Variants in ADGRL4 observed in about 807,000 individuals in gnomAD.
ADGRL4 encodes EGF, latrophilin and seven transmembrane domain containing 1.
A neutral mutation model predicts 74.8 loss-of-function variants in ADGRL4; 90 were observed. The observed-to-expected ratio is 1.20, with a 90% CI of 1.02 to 1.43. The LOEUF is 1.43. Among genes scored for constraint, ADGRL4 ranks in the 40% most tolerant of loss-of-function variants. The probability of loss-of-function intolerance (pLI) is 0.00; values close to 1 mark genes in which losing one functional copy is unlikely to be tolerated. For missense variants in ADGRL4, 881 were observed against 814.3 expected (o/e 1.08, Z -1.00); for synonymous variants, 311 against 279.2 (o/e 1.11, Z -1.14).
At chr1:78,910,832 G>A (rs551990064) in intron 12 of ADGRL4, among the ~76,000 whole-genome samples, 48 of 151,870 alleles carry the variant, frequency 3.2e-4, no homozygotes, top group African/African-American at 1.2e-3. Context: ...TTTAAATGTA[G>A]TGATTCATAG....
In ADGRL4 at chr1:78,893,176, G is replaced by C; in HGVS notation, c.1763C>G (p.Ala588Gly). 6.3e-7 allele frequency: 1 copy of C among 1,597,270 alleles called. No homozygotes were observed. The highest frequency in any genetic ancestry group is 1.7e-5 in the Admixed American group (1 of 57,634). ...ACLIILVNLL[A>G]FGVIIYKVFR... ...AACTTTGTATATGATGACTCCAAAA[G>C]CCAAGAGATTAACCTGGAAAAAGAA... The change falls in exon 13 of 15, where the codon GCT becomes GGT. Residue 588 changes from alanine (A) to glycine (G), a missense_variant. Ala to Gly is a moderately conservative substitution (Grantham distance 60). Coordinates refer to ENST00000370742, the MANE Select transcript of ADGRL4 (RefSeq NM_022159.4).
At chr1:78,916,865 G>T (rs1309745818) in intron 12 of ADGRL4, among the ~76,000 whole-genome samples, 1 of 151,804 alleles carries the variant, frequency 6.6e-6, no homozygotes, top group African/African-American at 2.4e-5. Context: ...TTCACTGACA[G>T]ACTATTATAT....
At position 78,945,710 on chromosome 1, in the gene ADGRL4, A is replaced by G. The variant is rs572752137; in HGVS notation, c.325+564T>C. On this transcript the variant is annotated intron_variant, in intron 3 of 14. Coordinates refer to ENST00000370742, the MANE Select transcript of ADGRL4 (RefSeq NM_022159.4). ...AAATTACATTGAAATTATTTTCCCT[A>G]CAAAGGACATTTTAGTGACCCTACA... is the stretch of plus-strand genomic sequence containing the variant. Among the ~76,000 whole-genome samples, 26 of 152,238 alleles carry G rather than the reference A, an allele frequency of 1.7e-4. No individual in the cohort carries two copies. The South Asian group carries it at 5.2e-3, about 30-fold the overall frequency.
intron 12 of ADGRL4, among the ~76,000 whole-genome samples, chr1:78,916,230 C>G (rs190140232): frequency 6.4e-4 from 97 of 151,920 alleles, no homozygotes; most frequent in African/African-American, 2.3e-3. Context: ...GAGAAGTATG[C>G]TCCTGTTTTT....
At chr1:78,900,219 C>A (rs566848103) in intron 12 of ADGRL4, among the ~76,000 whole-genome samples, 4 of 152,054 alleles carry the variant, frequency 2.6e-5, no homozygotes, top group Non-Finnish European at 4.4e-5. Context: ...CTTAGTCCCA[C>A]AACTGCATGG....
chr1:78,935,620 G>C (rs1649337510), intron 7 of ADGRL4, among the ~76,000 whole-genome samples: 1 of 152,000 alleles, frequency 6.6e-6, no homozygotes, highest in Non-Finnish European at 1.5e-5. Context: ...GAATATGATG[G>C]ATTATTGAGG....
At chr1:79,004,949 TA>T in intron 2 of ADGRL4, 120 bp downstream of exon 2, 1 of 829,978 alleles carries the variant, frequency 1.2e-6, no homozygotes, top group Non-Finnish European at 1.7e-6. Context: ...ACGCGTTTTT[TA>T]AATAGTATGA....
At chr1:78,915,271 A>G (rs1205413413) in intron 12 of ADGRL4, among the ~76,000 whole-genome samples, 1 of 151,876 alleles carries the variant, frequency 6.6e-6, no homozygotes, top group African/African-American at 2.4e-5. Flanking sequence ...GCTAGTCTCT[A>G]GGTTCACATT....
chr1:78,914,889 G>A (rs1455379504), intron 12 of ADGRL4, among the ~76,000 whole-genome samples: 1 of 151,758 alleles, frequency 6.6e-6, no homozygotes, highest in Non-Finnish European at 1.5e-5. Flanking sequence ...TATAATTTTG[G>A]TTTAGTCTGG....
intron 7 of ADGRL4, 75 bp downstream of exon 7, chr1:78,936,220 G>T: frequency 3.5e-6 from 5 of 1,428,318 alleles, no homozygotes; most frequent in Non-Finnish European, 2.8e-6. Flanking sequence ...ATGTACATAT[G>T]ACATAATCAA....
chr1:78,942,970 T>A lies in ADGRL4; in HGVS notation c.325+3304A>T, dbSNP rs1331659124. Among the ~76,000 whole-genome samples the A allele has an allele frequency of 3.3e-5, 5 of 152,096 alleles. No homozygotes were observed. In the East Asian group the frequency reaches 9.6e-4, roughly 29 times the overall value. On this transcript the variant is annotated intron_variant, in intron 3 of 14. Transcript: ENST00000370742. ...ATAATGATAATAATAATGTTATGTT[T>A]GTTTCCATGTGTATAATTAGCCAAT...
rs1443028471 is a variant in ADGRL4 at position 78,891,173 on chromosome 1, C to G, written c.2054G>C (p.Cys685Ser). ...YYRLFKNVPCCFGCLR is the reference protein window; with the variant it reads ...YYRLFKNVPCSFGCLR ...CTATGTTTACCTTAAACATCCAAAA[C>G]AACAGGGGACATTTTTGAACAATCT... Residue 685 changes from cysteine (C) to serine (S), a missense_variant, in exon 15 of 15, where the codon TGT becomes TCT. Cys to Ser is a moderately radical substitution (Grantham distance 112). Coordinates refer to ENST00000370742, the MANE Select transcript of ADGRL4 (RefSeq NM_022159.4). 6.2e-7 allele frequency: 1 copy of G among 1,611,006 alleles called. No individual in the cohort carries two copies.
intron 3 of ADGRL4, among the ~76,000 whole-genome samples, chr1:78,943,332 C>T (rs573223225): frequency 1.3e-5 from 2 of 152,088 alleles, no homozygotes; most frequent in Admixed American, 6.6e-5. Flanking sequence ...CTCAGCTTCC[C>T]CTTGTGAAAT....
intron 2 of ADGRL4, among the ~76,000 whole-genome samples, chr1:79,002,959 T>C (rs776644272): frequency 3.3e-5 from 5 of 152,214 alleles, no homozygotes; most frequent in Admixed American, 1.3e-4. Context: ...GGTTGGGTTA[T>C]TACTATAACA....
intron 2 of ADGRL4, among the ~76,000 whole-genome samples, chr1:78,992,585 T>A (rs1388027872): frequency 6.6e-6 from 1 of 152,112 alleles, no homozygotes; most frequent in East Asian, 1.9e-4. Context: ...ACTCTCATTC[T>A]TATCCTACTC....
At chr1:79,006,206 T>C (rs1650959182) in intron 1 of ADGRL4, among the ~76,000 whole-genome samples, 1 of 152,216 alleles carries the variant, frequency 6.6e-6, no homozygotes, top group Non-Finnish European at 1.5e-5. Context: ...CAAATAACTA[T>C]GTATACTGAC....
intron 3 of ADGRL4, among the ~76,000 whole-genome samples, chr1:78,944,660 C>T (rs545351607): frequency 6.2e-4 from 94 of 152,294 alleles, no homozygotes; most frequent in African/African-American, 2.1e-3. Context: ...GTCTACTACA[C>T]ATTTAAGTAT....
intron 3 of ADGRL4, among the ~76,000 whole-genome samples, chr1:78,945,177 A>AAAAAAAAAAT (rs376405445): frequency 1.6e-5 from 2 of 127,922 alleles, no homozygotes; most frequent in Non-Finnish European, 3.2e-5. Context: ...AAAAAAAAAA[A>AAAAAAAAAAT]ATATATATAT....
intron 2 of ADGRL4, among the ~76,000 whole-genome samples, chr1:78,995,076 G>A (rs1650686846): frequency 6.6e-6 from 1 of 152,064 alleles, no homozygotes; most frequent in Non-Finnish European, 1.5e-5. Context: ...CCCTTAAATG[G>A]ATTTGTGCAC....
Sources: gnomAD v4.1 joint callset for allele counts (sites outside exome capture counted in the v4.1 genomes callset) on GRCh38, gnomAD v4.1.1 for gene constraint, MANE v1.5 for transcripts, NCBI Gene and HGNC (gene_info 2026-07-23, HGNC 2026-07-21) for gene names.